TFB1M: variants seen among roughly 807,000 people sequenced by gnomAD.
TFB1M encodes transcription factor B1, mitochondrial.
Under a neutral mutation model 31.1 loss-of-function variants are expected in TFB1M, and 27 were observed. The ratio of observed to expected loss-of-function variants is 0.87; its 90% confidence interval spans 0.64 to 1.20. The LOEUF (loss-of-function observed/expected upper bound fraction) is 1.20, where lower values mean the gene tolerates loss of function less well. Ranked by LOEUF, TFB1M falls within the 50% of genes most tolerant of loss-of-function variation. TFB1M has a pLI of 0.00. For missense variants in TFB1M, 394 were observed against 418.7 expected (o/e 0.94, Z 0.51); for synonymous variants, 166 against 151.8 (o/e 1.09, Z -0.69).
At chr6:155,236,044 A>G in the TFB1M span, among the ~76,000 whole-genome samples, 2 of 152,076 alleles carry the variant, frequency 1.3e-5, no homozygotes, top group Non-Finnish European at 2.9e-5. Flanking sequence ...CTGCAGAATT[A>G]TATTGTCTGA....
At chr6:155,252,049 T>G (rs767818256), downstream of TFB1M, 6 of 1,468,338 alleles carry the variant, frequency 4.1e-6, no homozygotes, top group East Asian at 1.4e-4. Context: ...TTCATAGCTG[T>G]ATCTTCCTAT....
At chr6:155,301,818 C>T (rs928094664) in intron 2 of TFB1M, among the ~76,000 whole-genome samples, 2 of 152,090 alleles carry the variant, frequency 1.3e-5, no homozygotes, top group Non-Finnish European at 2.9e-5. Context: ...AGCTAGCTCT[C>T]GTGATTTACA....
rs376689140 is a variant in TFB1M at position 155,285,178 on chromosome 6, C to T, written c.646G>A (p.Ala216Thr). 2.1e-5 allele frequency: 34 copies of T among 1,613,980 alleles called. No individual in the cohort carries two copies. The highest frequency in any genetic ancestry group is 1.6e-4 in the Middle Eastern group (1 of 6,062). Residue 216 changes from alanine to threonine, a missense_variant, in exon 5 of 7, where the codon GCT (alanine) becomes ACT (threonine). Coordinates refer to ENST00000367166, the MANE Select transcript of TFB1M (RefSeq NM_016020.4). Reference protein sequence around the residue: ...VRHIFTIPGQAFVPKPEVDVG... With the variant: ...VRHIFTIPGQTFVPKPEVDVG... ...CTTACCTCTGGTTTGGGGACAAAAG[C>T]TTGTCCTGGAATCGTAAAGATGTGT...
At chr6:155,236,951 C>A in the TFB1M span, among the ~76,000 whole-genome samples, 1 of 152,220 alleles carries the variant, frequency 6.6e-6, no homozygotes, top group African/African-American at 2.4e-5. Flanking sequence ...CATATCTTCA[C>A]ATTTGAAAAC....
intron 5 of TFB1M, among the ~76,000 whole-genome samples, chr6:155,266,986 T>C (rs1413807869): frequency 6.6e-6 from 1 of 150,404 alleles, no homozygotes; most frequent in Non-Finnish European, 1.5e-5. Context: ...TTTTTTTTTT[T>C]TGAGACAGAG....
In TFB1M at chr6:155,311,191, T is replaced by A; in HGVS notation, c.282A>T (p.Leu94Phe). The change falls in exon 2 of 7, where the codon TTA (leucine) becomes TTT (phenylalanine). Residue 94 changes from leucine to phenylalanine, a missense_variant. Leu to Phe is a conservative substitution (Grantham distance 22, BLOSUM62 0). Coordinates refer to ENST00000367166, the MANE Select transcript of TFB1M (RefSeq NM_016020.4). ...VEKDTRFIPG[L>F]QMLSDAAPGK... ...GCAGACACTTTAAGCATCTCACCTG[T>A]AATCCAGGAATAAATCGAGTGTCCT... is the stretch of plus-strand genomic sequence containing the variant. The A allele has an allele frequency of 6.2e-7, 1 of 1,614,090 alleles. No homozygotes were observed. Among genetic ancestry groups the A allele is most frequent in the Non-Finnish European group, 8.5e-7 (1 of 1,179,938 alleles).
chr6:155,231,159 C>G, the TFB1M span, among the ~76,000 whole-genome samples: 1 of 152,238 alleles, frequency 6.6e-6, no homozygotes, highest in East Asian at 1.9e-4. Flanking sequence ...CTTCCCTTAC[C>G]AGTAAATCAC....
the TFB1M span, among the ~76,000 whole-genome samples, chr6:155,246,771 G>T: frequency 1.2e-4 from 19 of 152,240 alleles, no homozygotes; most frequent in Non-Finnish European, 2.4e-4. Flanking sequence ...TCATAAAGAA[G>T]AGGGGTCCTG....
chr6:155,290,906 C>T (rs2114758377), intron 4 of TFB1M, among the ~76,000 whole-genome samples: 1 of 152,266 alleles, frequency 6.6e-6, no homozygotes, highest in East Asian at 1.9e-4. Context: ...GCTTTAAATT[C>T]ACAAGTCCCC....
At chr6:155,239,888 C>G in the TFB1M span, among the ~76,000 whole-genome samples, 1 of 151,858 alleles carries the variant, frequency 6.6e-6, no homozygotes, top group African/African-American at 2.4e-5. Context: ...CTCTGCACCC[C>G]TTTAGGGTGA....
Position 155,257,311 on chromosome 6 carries a change from A to T in TFB1M, c.*525T>A, listed in dbSNP as rs540071368. On this transcript the variant is annotated 3_prime_UTR_variant, in exon 7 of 7. Transcript: ENST00000367166. Reference sequence around the variant, plus strand: ...ATTGTGGATCAGAAACCTAGATGAAACTGGTCAGAATCTGTAAATTACTTA... The same window carrying T: ...ATTGTGGATCAGAAACCTAGATGAATCTGGTCAGAATCTGTAAATTACTTA... 1.2e-5 allele frequency: 8 copies of T among 649,606 alleles called. No homozygotes were observed. The highest frequency in any genetic ancestry group is 4.3e-4 in the Middle Eastern group (1 of 2,324). 40.2% of individuals were successfully genotyped at this position (649,606 alleles called of 1,614,324 possible). A position where few individuals can be genotyped will look rare whatever the true frequency, so the allele number is the denominator to read the frequency against.
chr6:155,239,364 A>G, the TFB1M span, among the ~76,000 whole-genome samples: 1 of 152,154 alleles, frequency 6.6e-6, no homozygotes, highest in African/African-American at 2.4e-5. Context: ...CTGGCCAGTG[A>G]GCTGGCTGCT....
chr6:155,291,401 C>G (rs906059674), intron 4 of TFB1M, among the ~76,000 whole-genome samples: 1 of 152,190 alleles, frequency 6.6e-6, no homozygotes, highest in African/African-American at 2.4e-5. Context: ...GAAAACTCAG[C>G]ATGGGCCCAA....
At chr6:155,265,749 TATA>T (rs1172167299) in intron 5 of TFB1M, among the ~76,000 whole-genome samples, 2 of 146,076 alleles carry the variant, frequency 1.4e-5, no homozygotes, top group African/African-American at 2.5e-5. Flanking sequence ...ATATATAATA[TATA>T]ATATATATTT....
chr6:155,275,104 T>C (rs907008263), intron 5 of TFB1M, among the ~76,000 whole-genome samples: 1 of 150,996 alleles, frequency 6.6e-6, no homozygotes, highest in Non-Finnish European at 1.5e-5. Flanking sequence ...CGGGCGCCTG[T>C]AGTCCCAGCT....
chr6:155,243,984 A>T, the TFB1M span: 1 of 1,607,478 alleles, frequency 6.2e-7, no homozygotes, highest in Non-Finnish European at 8.5e-7. Context: ...TAAAGCGTTG[A>T]AGACACTTTC....
chr6:155,292,012 C>T (rs1583357296), intron 4 of TFB1M, among the ~76,000 whole-genome samples: 1 of 152,248 alleles, frequency 6.6e-6, no homozygotes, highest in East Asian at 1.9e-4. Flanking sequence ...TCATAGGAAA[C>T]AAGAGTTTGC....
chr6:155,246,370 T>C, the TFB1M span, among the ~76,000 whole-genome samples: 1 of 152,146 alleles, frequency 6.6e-6, no homozygotes, highest in Admixed American at 6.5e-5. Context: ...AGTGGGGTCT[T>C]AGAGTGCTTC....
chr6:155,291,521 C>T (rs935132925), intron 4 of TFB1M, among the ~76,000 whole-genome samples: 9 of 152,188 alleles, frequency 5.9e-5, no homozygotes, highest in African/African-American at 1.7e-4. Flanking sequence ...AACGGTCCTA[C>T]GTTTTTATGA....
Sources: gnomAD v4.1 joint callset for allele counts (sites outside exome capture counted in the v4.1 genomes callset) on GRCh38, gnomAD v4.1.1 for gene constraint, MANE v1.5 for transcripts, NCBI Gene and HGNC (gene_info 2026-07-23, HGNC 2026-07-21) for gene names.